HS6ST3: variants seen among roughly 807,000 people sequenced by gnomAD.
HS6ST3 encodes heparan sulfate 6-O-sulfotransferase 3.
In HS6ST3, 12 loss-of-function variants were observed where a neutral mutation model predicts 36.7. The ratio of observed to expected loss-of-function variants is 0.33; its 90% CI spans 0.21 to 0.53. The LOEUF (loss-of-function observed/expected upper bound fraction) is 0.53, where lower values mean the gene tolerates loss of function less well. Ranked by LOEUF, HS6ST3 falls within the 20% of genes least tolerant of loss-of-function variation. The pLI, the probability that HS6ST3 is intolerant of heterozygous loss-of-function variation, is 0.95. For missense variants in HS6ST3, 584 were observed against 640.9 expected (o/e 0.91, Z 0.96); for synonymous variants, 240 against 257.5 (o/e 0.93, Z 0.65).
intron 1 of HS6ST3, among the ~76,000 whole-genome samples, chr13:96,280,178 C>G (rs2054768693): frequency 6.6e-6 from 1 of 152,128 alleles, no homozygotes. Context: ...CGATGTGTCA[C>G]TGAAATTTTC....
rs574201405 is a variant in HS6ST3, at chr13:96,751,899, A to G, written c.708-80591A>G. ...AAAAAAGTTTATATATATATAAACTATATATATAAAATCATATGAAAGTTA... is the reference window on the plus strand; with the variant it reads ...AAAAAAGTTTATATATATATAAACTGTATATATAAAATCATATGAAAGTTA... On this transcript the variant is annotated intron_variant, in intron 1 of 1. Coordinates refer to ENST00000376705, the MANE Select transcript of HS6ST3 (RefSeq NM_153456.4). Among the ~76,000 whole-genome samples, 611 of 150,884 alleles carry G rather than the reference A, an allele frequency of 4.0e-3. 3 individuals carry two copies. Among genetic ancestry groups the G allele is most frequent in the African/African-American group, 0.014 (566 of 41,286 alleles).
chr13:96,555,833 A>T (rs1213751232), intron 1 of HS6ST3, among the ~76,000 whole-genome samples: 2 of 152,164 alleles, frequency 1.3e-5, no homozygotes, highest in African/African-American at 4.8e-5. Flanking sequence ...TCTATATGGG[A>T]TACAGTATAC....
rs555087964 is a variant in HS6ST3, at chr13:96,662,006, T to C, written c.708-170484T>C. ...ATTTCCTTTATAGATAATTTGATGC[T>C]TCTCTCTTACTGATTTTAGGATTTT... On this transcript the variant is annotated intron_variant, in intron 1 of 1. Coordinates refer to ENST00000376705, the MANE Select transcript of HS6ST3 (RefSeq NM_153456.4). Among the ~76,000 whole-genome samples, 111 of 152,300 alleles carry C rather than the reference T, an allele frequency of 7.3e-4. 3 individuals are homozygous for C. The highest frequency in any genetic ancestry group is 6.5e-3 in the Admixed American group (99 of 15,292).
chr13:96,338,622 G>A (rs919222491), intron 1 of HS6ST3, among the ~76,000 whole-genome samples: 3 of 152,104 alleles, frequency 2.0e-5, no homozygotes, highest in Non-Finnish European at 4.4e-5. Flanking sequence ...CCGGTGCCTC[G>A]AATTCCTGGG....
intron 1 of HS6ST3, among the ~76,000 whole-genome samples, chr13:96,618,080 C>T (rs955046134): frequency 6.6e-6 from 1 of 152,042 alleles, no homozygotes; most frequent in African/African-American, 2.4e-5. Flanking sequence ...CTTGGGCAAC[C>T]CCTGTGAGCC....
chr13:96,419,497 A>G (rs527638419), intron 1 of HS6ST3, among the ~76,000 whole-genome samples: 24 of 152,324 alleles, frequency 1.6e-4, no homozygotes, highest in African/African-American at 5.3e-4. Context: ...ATGGAGGTAG[A>G]TAGATGGATG....
chr13:96,455,905 T>C (rs978682504), intron 1 of HS6ST3, among the ~76,000 whole-genome samples: 3 of 152,222 alleles, frequency 2.0e-5, no homozygotes, highest in African/African-American at 4.8e-5. Context: ...GTGGAATTAC[T>C]GTGAAAAAAT....
At chr13:96,348,257 A>C (rs903402203) in intron 1 of HS6ST3, among the ~76,000 whole-genome samples, 2 of 152,220 alleles carry the variant, frequency 1.3e-5, no homozygotes, top group Admixed American at 6.5e-5. Flanking sequence ...TGCAAGAGTG[A>C]AGGCCATCTT....
chr13:96,596,254 A>C (rs1308448922), intron 1 of HS6ST3, among the ~76,000 whole-genome samples: 1 of 152,170 alleles, frequency 6.6e-6, no homozygotes, highest in Admixed American at 6.5e-5. Flanking sequence ...AGCTCCATCC[A>C]AGTTGCTGTG....
intron 1 of HS6ST3, among the ~76,000 whole-genome samples, chr13:96,338,937 G>A (rs554883806): frequency 6.6e-6 from 1 of 152,208 alleles, no homozygotes; most frequent in East Asian, 1.9e-4. Context: ...GGTAGGAAGT[G>A]GTGCTTTCTT....
chr13:96,732,832 A>C (rs1876194596), intron 1 of HS6ST3, among the ~76,000 whole-genome samples: 1 of 114,748 alleles, frequency 8.7e-6, no homozygotes, highest in Non-Finnish European at 1.8e-5. Flanking sequence ...TCAACGTTTT[A>C]TAGTTTTCAA....
chr13:96,339,975 TC>T (rs915355937), intron 1 of HS6ST3, among the ~76,000 whole-genome samples: 1 of 152,138 alleles, frequency 6.6e-6, no homozygotes, highest in Admixed American at 6.5e-5. Flanking sequence ...GAACAGAGAG[TC>T]CTGACTTTTT....
chr13:96,287,978 C>T (rs2054811692), intron 1 of HS6ST3, among the ~76,000 whole-genome samples: 1 of 152,114 alleles, frequency 6.6e-6, no homozygotes, highest in African/African-American at 2.4e-5. Flanking sequence ...AAGTTTGAAG[C>T]TTTGTATGCT....
At chr13:96,614,230 G>A (rs1394402298) in intron 1 of HS6ST3, among the ~76,000 whole-genome samples, 2 of 147,632 alleles carry the variant, frequency 1.4e-5, no homozygotes, top group East Asian at 2.0e-4. Flanking sequence ...CCCGGGAGGC[G>A]GAGCTTGCAG....
At chr13:96,413,275 T>C (rs1594774831) in intron 1 of HS6ST3, among the ~76,000 whole-genome samples, 2 of 152,162 alleles carry the variant, frequency 1.3e-5, no homozygotes, top group East Asian at 3.9e-4. Flanking sequence ...GTTTCTTGAG[T>C]TTGTGAGTAA....
At chr13:96,822,421 A>C (rs1391410445) in intron 1 of HS6ST3, among the ~76,000 whole-genome samples, 1 of 152,204 alleles carries the variant, frequency 6.6e-6, no homozygotes, top group Non-Finnish European at 1.5e-5. Flanking sequence ...CAAGATAGCA[A>C]AAACTAGCCC....
intron 1 of HS6ST3, among the ~76,000 whole-genome samples, chr13:96,585,226 T>C (rs1290585022): frequency 6.6e-6 from 1 of 152,128 alleles, no homozygotes; most frequent in Non-Finnish European, 1.5e-5. Context: ...ATAGAGGACT[T>C]TTTTCTTCCT....
chr13:96,104,740 G>A (rs2053833195), intron 1 of HS6ST3, among the ~76,000 whole-genome samples: 1 of 152,130 alleles, frequency 6.6e-6, no homozygotes, highest in Non-Finnish European at 1.5e-5. Flanking sequence ...TGTCTCACTG[G>A]TTTCTTTCCA....
chr13:96,292,454 A>G (rs2139399504), intron 1 of HS6ST3, among the ~76,000 whole-genome samples: 1 of 152,182 alleles, frequency 6.6e-6, no homozygotes, highest in South Asian at 2.1e-4. Flanking sequence ...AAAAACAGCC[A>G]TTTAAATTAA....
Sources: gnomAD v4.1 joint callset for allele counts (sites outside exome capture counted in the v4.1 genomes callset) on GRCh38, gnomAD v4.1.1 for gene constraint, MANE v1.5 for transcripts, NCBI Gene and HGNC (gene_info 2026-07-23, HGNC 2026-07-21) for gene names.